PPP6R2: variants seen among roughly 807,000 people sequenced by gnomAD.
The protein encoded by PPP6R2 is serine/threonine-protein phosphatase 6 regulatory subunit 2.
Under a neutral mutation model 100.2 loss-of-function variants are expected in PPP6R2, and 62 were observed. That is an observed-to-expected ratio of 0.62 (90% CI 0.50 to 0.76). The LOEUF (loss-of-function observed/expected upper bound fraction) is 0.76, where lower values mean the gene tolerates loss of function less well. PPP6R2 is among the 30% of genes least tolerant of loss of function. The pLI is 0.00. For synonymous variants in PPP6R2, 525 were observed against 514.7 expected (o/e 1.02, Z -0.27); for missense variants, 1,142 against 1,276.3 (o/e 0.89, Z 1.60).
At chr22:50,404,733 C>T (rs867770842) in intron 3 of PPP6R2, among the ~76,000 whole-genome samples, 1 of 152,024 alleles carries the variant, frequency 6.6e-6, no homozygotes, top group African/African-American at 2.4e-5. Context: ...CCACCGTGCC[C>T]GTCCTTACCT....
intron 1 of PPP6R2, among the ~76,000 whole-genome samples, chr22:50,368,377 T>G (rs2049223814): frequency 6.6e-6 from 1 of 152,186 alleles, no homozygotes; most frequent in African/African-American, 2.4e-5. Flanking sequence ...AGGAGTCCTT[T>G]AGTGGCCCTG....
intron 1 of PPP6R2, among the ~76,000 whole-genome samples, chr22:50,361,504 C>G (rs560989806): frequency 6.6e-6 from 1 of 152,140 alleles, no homozygotes; most frequent in South Asian, 2.1e-4. Context: ...TTTGTTGGCT[C>G]TTACTTCTTC....
At chr22:50,429,907 G>A (rs1264807856) in intron 10 of PPP6R2, among the ~76,000 whole-genome samples, 1 of 152,190 alleles carries the variant, frequency 6.6e-6, no homozygotes, top group Non-Finnish European at 1.5e-5. Flanking sequence ...CGTTTCTGTG[G>A]AGAACATGAA....
intron 1 of PPP6R2, among the ~76,000 whole-genome samples, chr22:50,352,775 A>G (rs1432550116): frequency 6.6e-6 from 1 of 151,762 alleles, no homozygotes; most frequent in Admixed American, 6.6e-5. Context: ...CAACAACGTA[A>G]CTTTCTGCAG....
At chr22:50,398,093 G>A (rs60746132) in intron 3 of PPP6R2, among the ~76,000 whole-genome samples, 16,865 of 152,124 alleles carry the variant, frequency 0.11, 1,314 homozygotes, top group East Asian at 0.41. Context: ...AGCACTTTGG[G>A]AGGCTGAGGT....
At chr22:50,375,371 G>T (rs891071202) in intron 2 of PPP6R2, among the ~76,000 whole-genome samples, 1 of 152,124 alleles carries the variant, frequency 6.6e-6, no homozygotes, top group Admixed American at 6.6e-5. Context: ...CCATAGAATG[G>T]GGTCTGCTTT....
chr22:50,414,577 A>T lies in PPP6R2; in HGVS notation c.440A>T (p.Asp147Val). ...EQVITFLKKKDKFISLVLKHI... is the reference protein window; with the variant it reads ...EQVITFLKKKVKFISLVLKHI... ...GTGATTACGTTTTTGAAGAAGAAGGACAAGTTCATCAGCCTGGTGTTGAAG... is the reference window on the plus strand; with the variant it reads ...GTGATTACGTTTTTGAAGAAGAAGGTCAAGTTCATCAGCCTGGTGTTGAAG... The change falls in exon 5 of 24, where the codon GAC (aspartate) becomes GTC (valine). Residue 147 changes from aspartate (D) to valine (V), a missense_variant. Physicochemically the swap from Asp to Val is radical, Grantham distance 152. This residue lies in a region of PPP6R2 where 592 missense variants were observed against 758.9 expected (regional missense o/e 0.78). Transcript: ENST00000612753. 1 of 1,613,914 alleles carries T rather than the reference A, an allele frequency of 6.2e-7. No homozygotes were observed. Among genetic ancestry groups the T allele is most frequent in the Non-Finnish European group, 8.5e-7 (1 of 1,179,934 alleles).
At chr22:50,440,242 G>A (rs2065272284) in intron 21 of PPP6R2, among the ~76,000 whole-genome samples, 193 bp downstream of exon 21, 1 of 152,132 alleles carries the variant, frequency 6.6e-6, no homozygotes, top group Non-Finnish European at 1.5e-5. Context: ...CCCCAGAGGG[G>A]AGGCAGCAAG....
intron 4 of PPP6R2, among the ~76,000 whole-genome samples, chr22:50,408,704 T>C (rs1216811586): frequency 2.0e-5 from 3 of 152,236 alleles, no homozygotes; most frequent in South Asian, 2.1e-4. Context: ...CCTGATCTTA[T>C]TCCCCTGCCA....
At chr22:50,417,355 G>A (rs1051922406) in intron 6 of PPP6R2, among the ~76,000 whole-genome samples, 1 of 152,130 alleles carries the variant, frequency 6.6e-6, no homozygotes, top group Non-Finnish European at 1.5e-5. Flanking sequence ...CACACTAAAA[G>A]AGATGGGGGC....
rs1247514334 is a variant in PPP6R2, at chr22:50,438,684, C to T, written c.2050C>T (p.His684Tyr). The T allele has an allele frequency of 2.5e-6, 4 of 1,613,864 alleles. No individual in the cohort carries two copies. The highest frequency in any genetic ancestry group is 3.3e-5 in the Admixed American group (2 of 59,994). The change falls in exon 19 of 24, where the codon CAC becomes TAC. Residue 684 changes from histidine (H) to tyrosine (Y), a missense_variant. Coordinates refer to ENST00000612753, the MANE Select transcript of PPP6R2 (RefSeq NM_001242898.2). ...GGATGGGAAGGCGAGCTTGGAAGCA[C>T]ACAGAGATGCACCTGGGGCAGGTGC... ...GQDGKASLEA[H>Y]RDAPGAGAPP...
chr22:50,347,535 C>T (rs1046580308), intron 1 of PPP6R2, among the ~76,000 whole-genome samples: 3 of 152,066 alleles, frequency 2.0e-5, no homozygotes, highest in African/African-American at 7.2e-5. Context: ...GTACTGTCCC[C>T]CGACCTGCCA....
At chr22:50,426,847 A>C (rs942222139) in intron 10 of PPP6R2, among the ~76,000 whole-genome samples, 5 of 149,516 alleles carry the variant, frequency 3.3e-5, no homozygotes, top group Non-Finnish European at 5.9e-5. Flanking sequence ...AAAAAAAAAA[A>C]AAAACACCGT....
intron 16 of PPP6R2, 63 bp downstream of exon 16, chr22:50,437,666 G>T: frequency 6.9e-7 from 1 of 1,445,372 alleles, no homozygotes; most frequent in Non-Finnish European, 9.7e-7. Flanking sequence ...AGCTCCCGTG[G>T]AGGCAGCTCC....
At chr22:50,388,164 A>C (rs1237418976) in intron 2 of PPP6R2, among the ~76,000 whole-genome samples, 1 of 150,498 alleles carries the variant, frequency 6.6e-6, no homozygotes, top group East Asian at 2.0e-4. Flanking sequence ...CTCTATAAAA[A>C]ATTTTTTTAG....
rs751072481 is a variant in PPP6R2 at position 50,367,462 on chromosome 22, C to T, written c.-147-4558C>T. Among the ~76,000 whole-genome samples the T allele has an allele frequency of 5.9e-5, 9 of 151,948 alleles. No homozygotes were observed. The South Asian group carries it at 8.3e-4, about 14-fold the overall frequency. On this transcript the variant is annotated intron_variant, in intron 1 of 23. Transcript: ENST00000612753. ...AGAGTGTAGGAGGCTGTGATGTTGC[C>T]GGGGGAGCAGTGGGCAGAGGATGAG...
At chr22:50,414,789 ATCTC>A in intron 5 of PPP6R2, 100 bp downstream of exon 5, 1 of 1,343,114 alleles carries the variant, frequency 7.4e-7, no homozygotes, top group Non-Finnish European at 1.0e-6. Context: ...CCCGGCCCCC[ATCTC>A]TCCACCTAGC....
intron 4 of PPP6R2, among the ~76,000 whole-genome samples, chr22:50,412,784 C>T (rs1453513145): frequency 3.4e-5 from 5 of 146,180 alleles, no homozygotes; most frequent in East Asian, 2.0e-4. Flanking sequence ...TGGGATTACA[C>T]GTGCCCACCA....
At chr22:50,411,327 G>A (rs537334343) in intron 4 of PPP6R2, among the ~76,000 whole-genome samples, 6 of 151,744 alleles carry the variant, frequency 4.0e-5, no homozygotes, top group African/African-American at 7.3e-5. Flanking sequence ...GGTGGCACAC[G>A]CCTGTAATCC....
Sources: gnomAD v4.1 joint callset for allele counts (sites outside exome capture counted in the v4.1 genomes callset) on GRCh38, gnomAD v4.1.1 for gene constraint, gnomAD v4.1.1 regional missense constraint, MANE v1.5 for transcripts, NCBI Gene and HGNC (gene_info 2026-07-23, HGNC 2026-07-21) for gene names.